The following PCDHGA9 variants were observed in gnomAD, a reference collection of about 807,000 sequenced individuals.
PCDHGA9 encodes the protein protocadherin gamma subfamily A, 9, also known as protocadherin gamma-A9.
PCDHGA9 carries 37 observed loss-of-function variants against 62.5 expected under a neutral mutation model. That is an observed-to-expected ratio of 0.59 (90% CI 0.46 to 0.78). PCDHGA9 has a LOEUF of 0.78. Among genes scored for constraint, PCDHGA9 ranks in the 30% least tolerant of loss-of-function variants. The pLI is 0.00. For missense variants in PCDHGA9, 1,138 were observed against 1,166.2 expected (o/e 0.98, Z 0.35); for synonymous variants, 459 against 484.6 (o/e 0.95, Z 0.69).
intron 1 of PCDHGA9, chr5:141,417,121 G>C (rs2096086482): frequency 6.6e-6 from 1 of 152,110 alleles, no homozygotes; most frequent in Non-Finnish European, 1.5e-5. Context: ...GGACACCCTG[G>C]ATGATGGTAA....
chr5:141,464,911 T>G (rs2099093002), intron 1 of PCDHGA9, among the ~76,000 whole-genome samples: 1 of 151,718 alleles, frequency 6.6e-6, no homozygotes, highest in Non-Finnish European at 1.5e-5. Context: ...GCTAATTTTT[T>G]TATTTTTTTG....
At chr5:141,500,370 G>C (rs766183384) in intron 2 of PCDHGA9, among the ~76,000 whole-genome samples, 1 of 151,644 alleles carries the variant, frequency 6.6e-6, no homozygotes, top group Non-Finnish European at 1.5e-5. Flanking sequence ...TACCACGCCC[G>C]GCTAATTATT....
intron 1 of PCDHGA9, chr5:141,427,831 G>T: frequency 7.1e-6 from 11 of 1,539,366 alleles, no homozygotes; most frequent in Non-Finnish European, 9.8e-6. Context: ...GTCGCGCAGC[G>T]TGCCTTCGAC....
At chr5:141,457,953 C>G (rs12188170) in intron 1 of PCDHGA9, among the ~76,000 whole-genome samples, 6,291 of 152,286 alleles carry the variant, frequency 0.041, 196 homozygotes, top group Admixed American at 0.075. Context: ...GCATGTCAAG[C>G]TTGATTCCTT....
Position 141,476,782 on chromosome 5 carries a change from A to T in PCDHGA9, c.2425-18025A>T. On this transcript the variant is annotated intron_variant, in intron 1 of 3. Coordinates refer to ENST00000573521, the MANE Select transcript of PCDHGA9 (RefSeq NM_018921.3). The surrounding 1 kb of genome is among the most constrained non-coding windows in gnomAD (Gnocchi z 7.6). ...TGACGGCGTTGGACGGAGGGACCCCAGCTCTCTCCGCCAGCCTGCCTATTC... is the reference window on the plus strand; with the variant it reads ...TGACGGCGTTGGACGGAGGGACCCCTGCTCTCTCCGCCAGCCTGCCTATTC... 6.2e-7 allele frequency: 1 copy of T among 1,613,568 alleles called. No individual in the cohort carries two copies. The highest frequency in any genetic ancestry group is 8.5e-7 in the Non-Finnish European group (1 of 1,179,996).
intron 2 of PCDHGA9, among the ~76,000 whole-genome samples, chr5:141,502,654 C>G (rs1424933188): frequency 6.6e-6 from 1 of 152,112 alleles, no homozygotes; most frequent in African/African-American, 2.4e-5. Context: ...TAGGCAGCAA[C>G]CCTTCATGCA....
intron 1 of PCDHGA9, chr5:141,414,372 A>G: frequency 1.2e-6 from 2 of 1,613,914 alleles, no homozygotes; most frequent in Non-Finnish European, 1.7e-6. Context: ...TTAAATTAGA[A>G]AAGTCCATTG....
chr5:141,463,424 CT>C (rs2099058999), intron 1 of PCDHGA9, among the ~76,000 whole-genome samples: 1 of 148,698 alleles, frequency 6.7e-6, no homozygotes, highest in Non-Finnish European at 1.5e-5. Flanking sequence ...TTTGCGGATC[CT>C]CATTTCCTTC....
Position 141,486,087 on chromosome 5 carries a change from T to G in PCDHGA9, c.2425-8720T>G. 4 of 1,614,176 alleles carry G rather than the reference T, an allele frequency of 2.5e-6. No individual in the cohort carries two copies. The highest frequency in any genetic ancestry group is 3.4e-6 in the Non-Finnish European group (4 of 1,180,028). ...CCCACTACTGGAAAGCTTACTCTTT[T>G]GGGGCCCCTAGACTTTGAGAGTGAG... On this transcript the variant is annotated intron_variant, in intron 1 of 3. Coordinates refer to ENST00000573521, the MANE Select transcript of PCDHGA9 (RefSeq NM_018921.3). This position sits in a 1 kb window ranked among gnomAD's most constrained non-coding sequence, Gnocchi z 5.0.
intron 1 of PCDHGA9, among the ~76,000 whole-genome samples, chr5:141,444,110 A>C (rs1284415694): frequency 6.7e-6 from 1 of 149,880 alleles, no homozygotes; most frequent in Non-Finnish European, 1.5e-5. Flanking sequence ...AACCAAGAAA[A>C]GTGAAGTATC....
chr5:141,456,312 GCTC>G (rs2098849548), intron 1 of PCDHGA9, among the ~76,000 whole-genome samples: 1 of 152,126 alleles, frequency 6.6e-6, no homozygotes, highest in Admixed American at 6.6e-5. Context: ...AGCAGCTAGG[GCTC>G]CTCCTGGGGT....
chr5:141,415,849 C>A (rs1453652151), intron 1 of PCDHGA9: 2 of 1,230,672 alleles, frequency 1.6e-6, no homozygotes, highest in Non-Finnish European at 2.1e-6. Flanking sequence ...CTTTGCAGAA[C>A]CTTGTAGTTT....
At chr5:141,405,441 A>G (rs1049992632) in intron 1 of PCDHGA9, 65 bp downstream of exon 1, 1 of 1,376,552 alleles carries the variant, frequency 7.3e-7, no homozygotes, top group Non-Finnish European at 1.0e-6. Context: ...TGTTTTTGAG[A>G]CAGAGTCTTA....
At position 141,485,576 on chromosome 5, in the gene PCDHGA9, C is replaced by A; in HGVS notation, c.2425-9231C>A. 1 of 1,612,412 alleles carries A rather than the reference C, an allele frequency of 6.2e-7. No individual in the cohort carries two copies. The highest frequency in any genetic ancestry group is 8.5e-7 in the Non-Finnish European group (1 of 1,178,628). On this transcript the variant is annotated intron_variant, in intron 1 of 3. Transcript: ENST00000573521. The surrounding 1 kb of genome is among the most constrained non-coding windows in gnomAD (Gnocchi z 5.7). ...GAATGATCACGCCCCCCGTTTTCCGCGGCAGCAGCTGGACTTGGAAATTGG... is the reference window on the plus strand; with the variant it reads ...GAATGATCACGCCCCCCGTTTTCCGAGGCAGCAGCTGGACTTGGAAATTGG...
chr5:141,463,359 T>C (rs2099057442), intron 1 of PCDHGA9, among the ~76,000 whole-genome samples: 2 of 151,672 alleles, frequency 1.3e-5, no homozygotes, highest in Admixed American at 6.6e-5. Flanking sequence ...GGATTTCCCC[T>C]TTCCTGCCCC....
At chr5:141,405,448 CT>C in intron 1 of PCDHGA9, 72 bp downstream of exon 1, 1 of 1,314,740 alleles carries the variant, frequency 7.6e-7, no homozygotes, top group Non-Finnish European at 1.1e-6. Flanking sequence ...GAGACAGAGT[CT>C]TACTCTGTTA....
chr5:141,509,577 C>G (rs569743928), intron 3 of PCDHGA9, among the ~76,000 whole-genome samples: 2 of 152,320 alleles, frequency 1.3e-5, no homozygotes, highest in African/African-American at 2.4e-5. Context: ...ACAGTGCGTA[C>G]AAATCAGCTG....
chr5:141,413,388 C>T (rs765673305), intron 1 of PCDHGA9: 39 of 1,614,012 alleles, frequency 2.4e-5, no homozygotes, highest in Non-Finnish European at 3.2e-5. Context: ...TCCGCATAGT[C>T]TCCAGAGGTA....
chr5:141,422,150 T>A (rs773805631), intron 1 of PCDHGA9: 1 of 1,577,174 alleles, frequency 6.3e-7, no homozygotes, highest in Non-Finnish European at 8.6e-7. Context: ...CGGGGGTCTC[T>A]GGATTTTGAA....
Sources: gnomAD v4.1 joint callset for allele counts (sites outside exome capture counted in the v4.1 genomes callset) on GRCh38, gnomAD v4.1.1 for gene constraint, Gnocchi (gnomAD v3.1) non-coding constraint, MANE v1.5 for transcripts, NCBI Gene and HGNC (gene_info 2026-07-23, HGNC 2026-07-21) for gene names.